The following GALNT5 variants were observed in gnomAD, a reference collection of about 807,000 sequenced individuals.
GALNT5 encodes the protein polypeptide N-acetylgalactosaminyltransferase 5, also known as UDP-GalNAc:polypeptide N-acetylgalactosaminyltransferase 5.
In GALNT5, 72 loss-of-function variants were observed where a neutral mutation model predicts 85.4. That is an observed-to-expected ratio of 0.84 (90% confidence interval 0.70 to 1.03). GALNT5 has a LOEUF of 1.03. Ranked by LOEUF, GALNT5 falls within the 50% of genes least tolerant of loss-of-function variation. GALNT5 has a pLI of 0.00. For missense variants in GALNT5, 1,137 were observed against 1,135.5 expected, an observed-to-expected ratio of 1.00 and a Z score of -0.02; for synonymous variants, 404 against 397.0, an observed-to-expected ratio of 1.02 and a Z score of -0.21.
At chr2:157,308,887 C>T (rs914037951) in intron 9 of GALNT5, among the ~76,000 whole-genome samples, 159 bp downstream of exon 9, 3 of 142,098 alleles carry the variant, frequency 2.1e-5, no homozygotes, top group Admixed American at 1.5e-4. Context: ...GGATATCTTT[C>T]GAAAGTTGAC....
chr2:157,304,311 A>G (rs2105166641), intron 7 of GALNT5, among the ~76,000 whole-genome samples: 1 of 152,310 alleles, frequency 6.6e-6, no homozygotes, highest in Non-Finnish European at 1.5e-5. Context: ...GCTTTCTCTG[A>G]GGATTTTTGA....
chr2:157,291,633 A>AC (rs10650005), intron 3 of GALNT5, among the ~76,000 whole-genome samples: 78,045 of 116,756 alleles, frequency 0.67, 27,393 homozygotes, highest in East Asian at 0.9. Context: ...GTTACCACCC[A>AC]CCCCCCCCCA....
At chr2:157,262,188 C>T (rs1574009485) in intron 1 of GALNT5, among the ~76,000 whole-genome samples, 1 of 127,556 alleles carries the variant, frequency 7.8e-6, no homozygotes, top group Non-Finnish European at 1.6e-5. Flanking sequence ...CTCATTGATA[C>T]AGAATGAACC....
intron 1 of GALNT5, among the ~76,000 whole-genome samples, chr2:157,279,971 A>AT (rs1001783436): frequency 6.6e-6 from 1 of 151,938 alleles, no homozygotes; most frequent in Non-Finnish European, 1.5e-5. Flanking sequence ...AATTTTTTGT[A>AT]TTTTTTAGTA....
chr2:157,304,806 G>A (rs1574035004), intron 7 of GALNT5, among the ~76,000 whole-genome samples: 1 of 152,160 alleles, frequency 6.6e-6, no homozygotes, highest in Non-Finnish European at 1.5e-5. Context: ...GAGGACCAAT[G>A]TACTGAGCCC....
At position 157,286,000 on chromosome 2, in the gene GALNT5, T is replaced by G. The variant is rs771683822; in HGVS notation, c.1622-15T>G. On this transcript the variant is annotated splice_polypyrimidine_tract_variant and intron_variant, in intron 2 of 9. Coordinates refer to ENST00000259056, the MANE Select transcript of GALNT5 (RefSeq NM_014568.3). ...TAATTCAAGTATTTCCTGGTTTATC[T>G]TTACTCTGATGTAGACTATCTAAAA... The G allele has an allele frequency of 1.3e-6, 2 of 1,588,246 alleles. No individual in the cohort carries two copies. The highest frequency in any genetic ancestry group is 1.7e-6 in the Non-Finnish European group (2 of 1,157,638).
intron 1 of GALNT5, 100 bp from the exon 2 acceptor site, chr2:157,284,178 TTAAG>T (rs1426525933): frequency 1.3e-4 from 102 of 813,990 alleles, no homozygotes; most frequent in Admixed American, 1.1e-3. Context: ...CGATGACAGA[TTAAG>T]TGTGTGTGTA....
In GALNT5 at chr2:157,312,974, A is replaced by G. The variant is rs868514983; in HGVS notation, c.*1626A>G. The G allele has an allele frequency of 7.9e-5, 12 of 152,150 alleles. No homozygotes were observed. The highest frequency in any genetic ancestry group is 2.7e-4 in the African/African-American group (11 of 41,442). 9.4% of individuals were successfully genotyped at this position (152,150 alleles called of 1,614,324 possible). A position where few individuals can be genotyped will look rare whatever the true frequency, so the allele number is the denominator to read the frequency against. Reference sequence around the variant, plus strand: ...GTTTAACATTTAATTTTGACTCCCAATGAGTTACGTAAAAGCAAAACTATA... The same window carrying G: ...GTTTAACATTTAATTTTGACTCCCAGTGAGTTACGTAAAAGCAAAACTATA... On this transcript the variant is annotated 3_prime_UTR_variant, in exon 10 of 10. Transcript: ENST00000259056.
chr2:157,268,807 T>A (rs1240044268), intron 1 of GALNT5, among the ~76,000 whole-genome samples: 1 of 152,062 alleles, frequency 6.6e-6, no homozygotes, highest in Admixed American at 6.6e-5. Context: ...ACAAAGAGAT[T>A]GGATTAATTT....
intron 3 of GALNT5, among the ~76,000 whole-genome samples, chr2:157,286,677 G>A (rs1023242899): frequency 2.0e-5 from 3 of 151,876 alleles, no homozygotes; most frequent in Admixed American, 6.6e-5. Context: ...CTAATTTTTT[G>A]TATTTTTAAT....
At chr2:157,268,240 T>C (rs555470938) in intron 1 of GALNT5, among the ~76,000 whole-genome samples, 1 of 152,330 alleles carries the variant, frequency 6.6e-6, no homozygotes, top group South Asian at 2.1e-4. Flanking sequence ...TCTTATGATT[T>C]AAAACCTTCT....
intron 1 of GALNT5, among the ~76,000 whole-genome samples, chr2:157,266,630 A>C (rs900212392): frequency 1.3e-5 from 2 of 152,132 alleles, no homozygotes; most frequent in Admixed American, 1.3e-4. Context: ...CAACCCTATG[A>C]GATATTAACT....
chr2:157,299,123 G>A, intron 5 of GALNT5: 1 of 156,062 alleles, frequency 6.4e-6, no homozygotes. Flanking sequence ...CAATCAATGG[G>A]CTGACAGATG....
intron 1 of GALNT5, among the ~76,000 whole-genome samples, chr2:157,270,000 T>G (rs1682547377): frequency 6.6e-6 from 1 of 152,196 alleles, no homozygotes; most frequent in South Asian, 2.1e-4. Context: ...AAAATGTAAC[T>G]GTGAAATGTG....
intron 1 of GALNT5, among the ~76,000 whole-genome samples, chr2:157,262,417 C>T (rs1682363402): frequency 6.6e-6 from 1 of 151,880 alleles, no homozygotes. Flanking sequence ...TTAGAGGATC[C>T]CTTGAGCCCA....
intron 1 of GALNT5, among the ~76,000 whole-genome samples, chr2:157,271,132 A>C (rs1682575195): frequency 6.6e-6 from 1 of 152,018 alleles, no homozygotes; most frequent in South Asian, 2.1e-4. Context: ...AAGCGTTGTC[A>C]GAGACGGCAT....
chr2:157,259,578 T>C (rs757327382), intron 1 of GALNT5, 42 bp downstream of exon 1: 13 of 1,295,520 alleles, frequency 1.0e-5, no homozygotes, highest in Non-Finnish European at 1.3e-5. Flanking sequence ...CCCAAGTGCT[T>C]TGGCTGTTAT....
chr2:157,282,340 T>C (rs566000232), intron 1 of GALNT5, among the ~76,000 whole-genome samples: 9 of 152,294 alleles, frequency 5.9e-5, no homozygotes, highest in African/African-American at 2.2e-4. Flanking sequence ...TGTTGGTGGG[T>C]TGGTTTCTTT....
rs996661781 is a variant in GALNT5 at position 157,261,773 on chromosome 2, C to A, written c.1454+2237C>A. On this transcript the variant is annotated intron_variant, in intron 1 of 9. Coordinates refer to ENST00000259056, the MANE Select transcript of GALNT5 (RefSeq NM_014568.3). ...AGATAAAGGTTAAAGAAAATACAAT[C>A]AAAAAACATTTGATTCATCAGTTTG... Among the ~76,000 whole-genome samples the A allele has an allele frequency of 3.3e-5, 5 of 152,140 alleles. No individual in the cohort carries two copies. In the South Asian group the frequency reaches 6.2e-4, roughly 19 times the overall value.
Sources: allele counts gnomAD v4.1 joint callset (sites outside exome capture counted in the v4.1 genomes callset), GRCh38; gene constraint gnomAD v4.1.1; transcripts MANE v1.5; gene names NCBI Gene and HGNC (gene_info 2026-07-23, HGNC 2026-07-21).